The following CDKL3 variants were observed in gnomAD, a reference collection of about 807,000 sequenced individuals.
The protein encoded by CDKL3 is cyclin dependent kinase like 3.
A neutral mutation model predicts 69.3 loss-of-function variants in CDKL3; 65 were observed. The observed-to-expected ratio is 0.94, with a 90% CI of 0.77 to 1.15. CDKL3 has a LOEUF of 1.15. Ranked by LOEUF, CDKL3 falls within the 50% of genes most tolerant of loss-of-function variation. The pLI is 0.00. For synonymous variants in CDKL3, 202 were observed against 221.6 expected, an observed-to-expected ratio of 0.91 and a Z score of 0.79; for missense variants, 652 against 689.2, an observed-to-expected ratio of 0.95 and a Z score of 0.61.
intron 4 of CDKL3, among the ~76,000 whole-genome samples, chr5:134,323,747 C>A (rs996358445): frequency 6.6e-6 from 1 of 152,078 alleles, no homozygotes; most frequent in Admixed American, 6.6e-5. Context: ...AAATGCAAAA[C>A]TGTAAAACCT....
At chr5:134,287,161 T>C (rs1675943166) in intron 8 of CDKL3, among the ~76,000 whole-genome samples, 1 of 151,832 alleles carries the variant, frequency 6.6e-6, no homozygotes, top group African/African-American at 2.4e-5. Context: ...GAAGGCGCGC[T>C]TTGAGGAGGA....
chr5:134,366,516 A>T lies in CDKL3; in HGVS notation c.8T>A (p.Met3Lys). The T allele has an allele frequency of 6.3e-7, 1 of 1,597,670 alleles. No homozygotes were observed. The change falls in exon 2 of 13, where the codon ATG becomes AAG. Residue 3 changes from methionine to lysine, a missense_variant. By Grantham distance (95) the Met-to-Lys change is moderately conservative. Coordinates refer to ENST00000265334, the MANE Select transcript of CDKL3 (RefSeq NM_001113575.2). ME[M>K]YETLGKVGEG... The stretch of plus-strand genomic sequence containing the variant: ...TCCCACTTTTCCAAGGGTTTCATAC[A>T]TCTCCATTTTCAAGCTGGGCTTTTA...
chr5:134,349,175 G>C (rs1561618987), intron 4 of CDKL3, among the ~76,000 whole-genome samples: 1 of 152,086 alleles, frequency 6.6e-6, no homozygotes, highest in Non-Finnish European at 1.5e-5. Flanking sequence ...AAAGCATTTA[G>C]AACAGTTTCT....
intron 2 of CDKL3, among the ~76,000 whole-genome samples, chr5:134,366,153 A>G (rs1318248454): frequency 2.0e-5 from 3 of 152,190 alleles, no homozygotes; most frequent in Non-Finnish European, 4.4e-5. Context: ...TAATTATTAA[A>G]CAATATTGGT....
downstream of CDKL3, among the ~76,000 whole-genome samples, chr5:134,284,069 G>T (rs1351657609): frequency 1.3e-5 from 2 of 152,180 alleles, no homozygotes; most frequent in Admixed American, 6.5e-5. Context: ...TGGCTTTGCA[G>T]GGTACAGCCT....
chr5:134,324,616 T>C lies in CDKL3; in HGVS notation c.540-2713A>G, dbSNP rs1227449514. 2.0e-5 allele frequency among the ~76,000 whole-genome samples: 3 copies of C among 152,194 alleles called. No individual in the cohort carries two copies. The East Asian group carries it at 5.8e-4, about 29-fold the overall frequency. ...TCTGAAAAAGCTACATACTATGTGA[T>C]TCCAACTATATGATATTCTGGAAAA... On this transcript the variant is annotated intron_variant, in intron 4 of 12. Coordinates refer to ENST00000265334, the MANE Select transcript of CDKL3 (RefSeq NM_001113575.2).
chr5:134,370,107 GA>G (rs1285009290), upstream of CDKL3, among the ~76,000 whole-genome samples: 1 of 152,196 alleles, frequency 6.6e-6, no homozygotes, highest in Non-Finnish European at 1.5e-5. Context: ...GAGGTACAAG[GA>G]AAGTCAGAAA....
intron 12 of CDKL3, chr5:134,299,573 G>A: frequency 7.8e-7 from 1 of 1,289,082 alleles, no homozygotes; most frequent in Non-Finnish European, 1.0e-6. Flanking sequence ...TAACTAACAG[G>A]ATTTACGATA....
chr5:134,368,829 G>A (rs1382518580), upstream of CDKL3, among the ~76,000 whole-genome samples: 2 of 151,876 alleles, frequency 1.3e-5, no homozygotes, highest in African/African-American at 4.8e-5. Context: ...CTTGAGCCCA[G>A]GAGTTCCAGA....
At chr5:134,286,404 T>C, downstream of CDKL3, 1 of 178,198 alleles carries the variant, frequency 5.6e-6, no homozygotes. Flanking sequence ...CACATTTTCC[T>C]GTCTTCTTCT....
chr5:134,297,743 G>A (rs544219033), downstream of CDKL3, among the ~76,000 whole-genome samples: 171 of 149,620 alleles, frequency 1.1e-3, no homozygotes, highest in African/African-American at 4.0e-3. Flanking sequence ...CACCACGCCC[G>A]GCTAATTTTT....
chr5:134,284,466 T>C (rs577457765), downstream of CDKL3, among the ~76,000 whole-genome samples: 10 of 152,106 alleles, frequency 6.6e-5, 1 homozygote, highest in South Asian at 2.1e-3. Context: ...CCAGGTGAAA[T>C]TAGAATTACT....
intron 2 of CDKL3, among the ~76,000 whole-genome samples, chr5:134,361,900 G>A (rs1320183144): frequency 3.3e-5 from 5 of 152,208 alleles, no homozygotes; most frequent in East Asian, 1.9e-4. Context: ...GTGAAACTCC[G>A]TCTCAAGGAA....
chr5:134,283,927 T>G (rs573657524), downstream of CDKL3, among the ~76,000 whole-genome samples: 1 of 152,310 alleles, frequency 6.6e-6, no homozygotes, highest in African/African-American at 2.4e-5. Context: ...ACAGGTCCCA[T>G]GCAAATCCAA....
downstream of CDKL3, chr5:134,298,164 C>T (rs1213883827): frequency 1.4e-6 from 1 of 735,872 alleles, no homozygotes; most frequent in Non-Finnish European, 1.7e-6. Context: ...GAACTCCTGA[C>T]CTCAAGTGAT....
Position 134,367,135 on chromosome 5 carries a change from T to C in CDKL3, c.-180A>G, listed in dbSNP as rs149812030. The stretch of plus-strand genomic sequence containing the variant: ...TCAGCCCCGCAAGGAACCGGCCACT[T>C]GCCACCATGGAAACGCCGGCGGAGT... On this transcript the variant is annotated 5_prime_UTR_variant, in exon 1 of 13. Coordinates refer to ENST00000265334, the MANE Select transcript of CDKL3 (RefSeq NM_001113575.2). The C allele has an allele frequency of 1.0e-5, 10 of 985,700 alleles. No homozygotes were observed. The East Asian group carries it at 3.4e-4, about 34-fold the overall frequency. The allele number at this position is 985,700 out of a possible 1,614,324, so 61.1% of individuals were successfully genotyped here.
At chr5:134,304,652 G>T in intron 10 of CDKL3, 85 bp from the exon 11 acceptor site, 1 of 1,016,698 alleles carries the variant, frequency 9.8e-7, no homozygotes, top group Non-Finnish European at 1.4e-6. Flanking sequence ...CCATTTGGAT[G>T]GTATAAGATA....
Position 134,308,294 on chromosome 5 carries a change from A to G in CDKL3, c.1208T>C (p.Ile403Thr), listed in dbSNP as rs769953932. 16 of 1,613,838 alleles carry G rather than the reference A, an allele frequency of 9.9e-6. No individual in the cohort carries two copies. In the Admixed American group the frequency reaches 2.0e-4, roughly 20 times the overall value. Residue 403 changes from isoleucine to threonine, a missense_variant, in exon 9 of 13, where the codon ATT becomes ACT. By Grantham distance (89) the Ile-to-Thr change is moderately conservative. Coordinates refer to ENST00000265334, the MANE Select transcript of CDKL3 (RefSeq NM_001113575.2). Reference protein sequence around the residue: ...PMSPDTKLVTIEPPNPINPST... With the variant: ...PMSPDTKLVTTEPPNPINPST... ...GGGATTGATAGGGTTTGGTGGTTCA[A>G]TGGTTACAAGTTTTGTATCTGGAGA... is the stretch of plus-strand genomic sequence containing the variant.
At chr5:134,328,531 G>A (rs1408066453) in intron 4 of CDKL3, among the ~76,000 whole-genome samples, 6 of 152,010 alleles carry the variant, frequency 3.9e-5, no homozygotes, top group Non-Finnish European at 7.4e-5. Context: ...AAATAACAGA[G>A]CCTCAAGAGA....
Sources: gnomAD v4.1 joint callset for allele counts (sites outside exome capture counted in the v4.1 genomes callset) on GRCh38, gnomAD v4.1.1 for gene constraint, MANE v1.5 for transcripts, NCBI Gene and HGNC (gene_info 2026-07-23, HGNC 2026-07-21) for gene names.